MYL11: variants seen among roughly 807,000 people sequenced by gnomAD.
The protein encoded by MYL11 is myosin light chain 11.
At chr16:30,373,115 C>G in the MYL11 span, 3 of 152,220 alleles carry the variant, frequency 2.0e-5, no homozygotes, top group Admixed American at 6.6e-5. Context: ...GAAACCAAGG[C>G]CCAGCACAAA....
the MYL11 span, chr16:30,376,442 T>G: frequency 6.2e-7 from 1 of 1,613,798 alleles, no homozygotes; most frequent in Non-Finnish European, 8.5e-7. Context: ...ATGTGAAGAA[T>G]GAGGAGTTGG....
chr16:30,371,394 G>A, the MYL11 span, among the ~76,000 whole-genome samples: 2 of 152,226 alleles, frequency 1.3e-5, no homozygotes, highest in African/African-American at 4.8e-5. Flanking sequence ...CCAGTGCCCT[G>A]ACCCAGTACT....
the MYL11 span, among the ~76,000 whole-genome samples, chr16:30,371,533 C>A: frequency 6.6e-6 from 1 of 152,162 alleles, no homozygotes; most frequent in Non-Finnish European, 1.5e-5. Context: ...CCATTTCCTG[C>A]GGGAATCCCA....
the MYL11 span, among the ~76,000 whole-genome samples, chr16:30,373,892 CT>C: frequency 6.6e-6 from 1 of 152,164 alleles, no homozygotes; most frequent in Non-Finnish European, 1.5e-5. Flanking sequence ...ACACACTTGA[CT>C]ATGAACTCCA....
the MYL11 span, among the ~76,000 whole-genome samples, chr16:30,375,390 G>A: frequency 2.6e-5 from 4 of 151,924 alleles, no homozygotes; most frequent in East Asian, 1.9e-4. Flanking sequence ...GCTTGAACCC[G>A]GGAGGCAGAG....
chr16:30,377,885 C>T, the MYL11 span: 1 of 1,612,828 alleles, frequency 6.2e-7, no homozygotes, highest in African/African-American at 1.3e-5. Context: ...ACGGCGACGC[C>T]AAGGACCAGG....
the MYL11 span, chr16:30,376,749 G>A: frequency 2.6e-6 from 4 of 1,545,628 alleles, no homozygotes; most frequent in Non-Finnish European, 3.5e-6. Flanking sequence ...TCCACCAGCT[G>A]CTCCCACACT....
the MYL11 span, among the ~76,000 whole-genome samples, chr16:30,372,105 C>T: frequency 6.6e-6 from 1 of 152,258 alleles, no homozygotes; most frequent in South Asian, 2.1e-4. Context: ...TCCCGTTTGA[C>T]CCAAGCTTCC....
At chr16:30,372,939 C>G in the MYL11 span, 2 of 152,846 alleles carry the variant, frequency 1.3e-5, no homozygotes, top group African/African-American at 4.8e-5. Flanking sequence ...ACCTGACTCC[C>G]TGGCCCTCGT....
the MYL11 span, among the ~76,000 whole-genome samples, chr16:30,373,571 G>A: frequency 2.0e-5 from 3 of 150,808 alleles, no homozygotes; most frequent in East Asian, 1.9e-4. Context: ...ACTCCAGCCC[G>A]GATAACAAAA....
the MYL11 span, chr16:30,373,049 A>G: frequency 2.6e-5 from 4 of 152,090 alleles, no homozygotes; most frequent in Non-Finnish European, 5.9e-5. Flanking sequence ...TCCTGTCTCT[A>G]TTAGTTATAA....
At chr16:30,375,936 G>T in the MYL11 span, 1 of 1,610,990 alleles carries the variant, frequency 6.2e-7, no homozygotes, top group Non-Finnish European at 8.5e-7. Flanking sequence ...CGGGGAAACT[G>T]GAAGGCTGAC....
At chr16:30,376,137 C>T in the MYL11 span, 1 of 1,613,224 alleles carries the variant, frequency 6.2e-7, no homozygotes, top group Non-Finnish European at 8.5e-7. Flanking sequence ...CACCACGGCC[C>T]TCCCCAGGCC....
At chr16:30,374,846 G>A in the MYL11 span, 1 of 1,613,530 alleles carries the variant, frequency 6.2e-7, no homozygotes. Flanking sequence ...TTGCCCCCCG[G>A]AGACTGAAGA....
At chr16:30,374,348 T>C in the MYL11 span, among the ~76,000 whole-genome samples, 1 of 150,936 alleles carries the variant, frequency 6.6e-6, no homozygotes, top group Non-Finnish European at 1.5e-5. Flanking sequence ...GGTCTCACTA[T>C]GTTGCCCAGG....
the MYL11 span, chr16:30,376,689 A>G: frequency 6.2e-7 from 1 of 1,613,914 alleles, no homozygotes; most frequent in Non-Finnish European, 8.5e-7. Context: ...GGCACCATCA[A>G]GAAGAAGTTG....
chr16:30,371,285 C>T, the MYL11 span, among the ~76,000 whole-genome samples: 1 of 152,174 alleles, frequency 6.6e-6, no homozygotes, highest in Non-Finnish European at 1.5e-5. Flanking sequence ...ATGAGTGCCG[C>T]GCTGCCCCCT....
At chr16:30,376,159 C>T in the MYL11 span, 23 of 1,613,812 alleles carry the variant, frequency 1.4e-5, no homozygotes, top group African/African-American at 2.7e-5. Context: ...TCACTGTGAT[C>T]GACCAGAACC....
At chr16:30,376,332 GA>G in the MYL11 span, 1 of 1,550,174 alleles carries the variant, frequency 6.5e-7, no homozygotes, top group Non-Finnish European at 8.8e-7. Flanking sequence ...CTACCCAGCT[GA>G]AAAATGAATG....
Sources: allele counts gnomAD v4.1 joint callset (sites outside exome capture counted in the v4.1 genomes callset), GRCh38; gene constraint gnomAD v4.1.1; transcripts MANE v1.5; gene names NCBI Gene and HGNC (gene_info 2026-07-23, HGNC 2026-07-21).